The following TNPO3 variants were observed in gnomAD, a reference collection of about 807,000 sequenced individuals.
The protein encoded by TNPO3 is transportin 3.
Under a neutral mutation model 122.8 loss-of-function variants are expected in TNPO3, and 65 were observed. The observed-to-expected ratio is 0.53, with a 90% CI of 0.43 to 0.65. The LOEUF (loss-of-function observed/expected upper bound fraction) is 0.65. TNPO3 is among the 30% of genes least tolerant of loss of function. TNPO3 has a pLI of 0.00. For synonymous variants in TNPO3, 372 were observed against 411.2 expected (o/e 0.90, Z 1.15); for missense variants, 850 against 1,136.7 (o/e 0.75, Z 3.63).
At chr7:128,979,303 T>G (rs1023225934) in intron 15 of TNPO3, among the ~76,000 whole-genome samples, 180 bp from the exon 16 acceptor site, 1 of 152,208 alleles carries the variant, frequency 6.6e-6, no homozygotes, top group African/African-American at 2.4e-5. Context: ...ACCCTATCAC[T>G]TAACAAGAGA....
At chr7:128,967,946 A>C (rs1798082896) in intron 20 of TNPO3, among the ~76,000 whole-genome samples, 1 of 152,024 alleles carries the variant, frequency 6.6e-6, no homozygotes, top group African/African-American at 2.4e-5. Flanking sequence ...TTAAGAGATG[A>C]GGAGTCTTTC....
At chr7:129,038,977 AGTTT>A (rs1807037695) in intron 1 of TNPO3, among the ~76,000 whole-genome samples, 1 of 152,206 alleles carries the variant, frequency 6.6e-6, no homozygotes, top group Non-Finnish European at 1.5e-5. Flanking sequence ...TGAACCTAAA[AGTTT>A]TTTTAAAAAT....
chr7:129,002,262 G>C (rs1802020913), intron 5 of TNPO3, among the ~76,000 whole-genome samples: 2 of 152,192 alleles, frequency 1.3e-5, no homozygotes, highest in South Asian at 4.1e-4. Flanking sequence ...TTCTGAAGAA[G>C]TTATTTGAGG....
chr7:128,997,591 C>T (rs1334694881), intron 7 of TNPO3, 56 bp from the exon 8 acceptor site: 3 of 1,451,560 alleles, frequency 2.1e-6, no homozygotes, highest in Non-Finnish European at 1.9e-6. Context: ...AATAAGAAGA[C>T]ATTTTATTAT....
chr7:128,985,704 G>C (rs1800070654), intron 12 of TNPO3, among the ~76,000 whole-genome samples: 1 of 152,092 alleles, frequency 6.6e-6, no homozygotes, highest in South Asian at 2.1e-4. Flanking sequence ...TCAATGTCAA[G>C]GTTAATAAAT....
intron 1 of TNPO3, among the ~76,000 whole-genome samples, chr7:129,035,165 T>C (rs1806474893): frequency 6.6e-6 from 1 of 151,690 alleles, no homozygotes; most frequent in Non-Finnish European, 1.5e-5. Flanking sequence ...TCCCAGCTAC[T>C]CGGGAGGCTG....
intron 4 of TNPO3, 92 bp from the exon 5 acceptor site, chr7:129,005,251 A>T: frequency 1.6e-6 from 2 of 1,224,830 alleles, no homozygotes; most frequent in South Asian, 1.7e-5. Context: ...AATGAGAAAG[A>T]TGGCAATAAA....
At chr7:128,960,038 C>T (rs1304793287) in intron 21 of TNPO3, among the ~76,000 whole-genome samples, 1 of 152,028 alleles carries the variant, frequency 6.6e-6, no homozygotes, top group Non-Finnish European at 1.5e-5. Flanking sequence ...CGAAAAAGCT[C>T]CATGAATGTT....
intron 1 of TNPO3, among the ~76,000 whole-genome samples, chr7:129,053,801 A>G (rs1159583436): frequency 2.0e-5 from 3 of 152,264 alleles, no homozygotes; most frequent in African/African-American, 7.2e-5. Flanking sequence ...TAAGTCAGCC[A>G]GATAACCAAG....
At chr7:129,023,977 A>G (rs1804821958) in intron 1 of TNPO3, among the ~76,000 whole-genome samples, 2 of 152,220 alleles carry the variant, frequency 1.3e-5, no homozygotes, top group Admixed American at 6.5e-5. Flanking sequence ...CACACAAAAA[A>G]GAATGAGGTG....
chr7:128,973,628 C>T (rs1282837947), intron 18 of TNPO3, among the ~76,000 whole-genome samples: 4 of 139,964 alleles, frequency 2.9e-5, no homozygotes, highest in African/African-American at 7.9e-5. Flanking sequence ...CCCAGCTACT[C>T]GGGAGGCTGA....
At chr7:129,007,057 A>G (rs2150398946) in intron 4 of TNPO3, among the ~76,000 whole-genome samples, 1 of 152,322 alleles carries the variant, frequency 6.6e-6, no homozygotes, top group African/African-American at 2.4e-5. Context: ...TACATGAAAA[A>G]TAAGCTGACC....
At position 129,054,741 on chromosome 7, in the gene TNPO3, G is replaced by A. The variant is rs138263703; in HGVS notation, c.30C>T (p.Leu10=). The part of the protein sequence containing the change: MEGAKPTLQ[L]VYQAVQALYH... ...AAAGCGCCTGCACTGCCTGGTACAC[G>A]AGCTGCAATGTCGGCTTTGCTCCTT... is the stretch of plus-strand genomic sequence containing the variant. Residue 10 remains leucine, a synonymous_variant, in exon 1 of 23, where the codon CTC becomes CTT. Transcript: ENST00000265388. The A allele has an allele frequency of 2.1e-5, 34 of 1,614,020 alleles. No homozygotes were observed. The African/African-American group carries it at 3.9e-4, about 18-fold the overall frequency.
chr7:129,031,069 G>C (rs1463501893), intron 1 of TNPO3, among the ~76,000 whole-genome samples: 1 of 152,216 alleles, frequency 6.6e-6, no homozygotes, highest in Non-Finnish European at 1.5e-5. Context: ...CAGATCACTT[G>C]AAGTCAGGAG....
chr7:129,038,300 C>T (rs1806944970), intron 1 of TNPO3, among the ~76,000 whole-genome samples: 1 of 151,886 alleles, frequency 6.6e-6, no homozygotes, highest in South Asian at 2.1e-4. Flanking sequence ...CACCAAGAAC[C>T]CAATTTAAAA....
At chr7:128,967,132 T>C (rs1797999622) in intron 21 of TNPO3, 148 bp downstream of exon 21, 3 of 605,708 alleles carry the variant, frequency 5.0e-6, no homozygotes, top group Non-Finnish European at 9.0e-6. Context: ...TGGTGAATGT[T>C]TTCCCACCAG....
chr7:128,966,000 T>C (rs1216435904), intron 21 of TNPO3, among the ~76,000 whole-genome samples: 2 of 152,198 alleles, frequency 1.3e-5, no homozygotes, highest in East Asian at 3.8e-4. Context: ...TTGAGATTGG[T>C]TGTGCAACAA....
chr7:129,012,003 CTTTT>C (rs1174882837), intron 4 of TNPO3, among the ~76,000 whole-genome samples: 26 of 131,710 alleles, frequency 2.0e-4, no homozygotes, highest in East Asian at 1.3e-3. Context: ...CTTTTTCTTT[CTTTT>C]TTTTTTTTTT....
chr7:128,981,610 CA>C (rs1215475474), intron 14 of TNPO3, among the ~76,000 whole-genome samples: 1 of 152,118 alleles, frequency 6.6e-6, no homozygotes, highest in African/African-American at 2.4e-5. Context: ...TGGGATCTAG[CA>C]ATCTGTGTTT....
Sources: gnomAD v4.1 joint callset for allele counts (sites outside exome capture counted in the v4.1 genomes callset) on GRCh38, gnomAD v4.1.1 for gene constraint, MANE v1.5 for transcripts, NCBI Gene and HGNC (gene_info 2026-07-23, HGNC 2026-07-21) for gene names.